FGF18: variants seen among roughly 807,000 people sequenced by gnomAD.
The protein encoded by FGF18 is fibroblast growth factor 18.
Under a neutral mutation model 23.0 loss-of-function variants are expected in FGF18, and 5 were observed. The ratio of observed to expected loss-of-function variants is 0.22; its 90% CI spans 0.11 to 0.46. The LOEUF is 0.46. FGF18 is among the 20% of genes least tolerant of loss of function. The pLI, the probability that FGF18 is intolerant of heterozygous loss-of-function variation, is 0.99. For missense variants in FGF18, 180 were observed against 291.6 expected (o/e 0.62, Z 2.79); for synonymous variants, 117 against 118.9 (o/e 0.98, Z 0.10).
At chr5:171,428,923 C>T (rs1048866118) in intron 2 of FGF18, among the ~76,000 whole-genome samples, 3 of 152,170 alleles carry the variant, frequency 2.0e-5, no homozygotes, top group African/African-American at 7.2e-5. Flanking sequence ...AGAGGGAGGC[C>T]GACCCTCGGG....
chr5:171,436,278 G>T lies in FGF18; in HGVS notation c.250+5G>T. 6.4e-7 allele frequency: 1 copy of T among 1,551,850 alleles called. No individual in the cohort carries two copies. The highest frequency in any genetic ancestry group is 8.7e-7 in the Non-Finnish European group (1 of 1,144,328). On this transcript the variant is annotated splice_donor_5th_base_variant and intron_variant, in intron 3 of 4. Transcript: ENST00000274625. This position sits in a 1 kb window ranked among gnomAD's most constrained non-coding sequence, Gnocchi z 4.4. The stretch of plus-strand genomic sequence containing the variant: ...GCGAGGATGGGGACAAGTATGGTAT[G>T]TGCCAACCCTCTCCTCCTACTCCGT...
At chr5:171,449,359 C>A in intron 4 of FGF18, 106 bp downstream of exon 4, 2 of 246,442 alleles carry the variant, frequency 8.1e-6, no homozygotes, top group Admixed American at 4.6e-5. Flanking sequence ...GGAAAACAGG[C>A]CGTGTGTGTG....
intron 3 of FGF18, among the ~76,000 whole-genome samples, chr5:171,446,308 C>T (rs907708918): frequency 1.3e-5 from 2 of 152,154 alleles, no homozygotes; most frequent in Admixed American, 6.5e-5. Flanking sequence ...GGGCTTCCTG[C>T]GGTGGCCCTG....
chr5:171,436,069 T>G lies in FGF18; in HGVS notation c.70-24T>G. On this transcript the variant is annotated intron_variant, in intron 2 of 4. Transcript: ENST00000274625. This position sits in a 1 kb window ranked among gnomAD's most constrained non-coding sequence, Gnocchi z 4.4. ...TGGGCCTGGGACATCTGGGGTGGCT[T>G]ACTGTGTCCTTTTCCCTGCCCAGGT... 6.7e-7 allele frequency: 1 copy of G among 1,494,490 alleles called. No individual in the cohort carries two copies. The highest frequency in any genetic ancestry group is 9.0e-7 in the Non-Finnish European group (1 of 1,114,552). 92.6% of individuals were successfully genotyped at this position (1,494,490 alleles called of 1,614,324 possible).
intron 3 of FGF18, among the ~76,000 whole-genome samples, chr5:171,447,126 A>C (rs886439065): frequency 3.3e-5 from 5 of 152,176 alleles, no homozygotes; most frequent in African/African-American, 4.8e-5. Flanking sequence ...TAATCCTCCC[A>C]ATAACTATTG....
chr5:171,424,608 T>C (rs1460699418), intron 2 of FGF18, among the ~76,000 whole-genome samples: 2 of 152,222 alleles, frequency 1.3e-5, no homozygotes, highest in Non-Finnish European at 1.5e-5. Context: ...GGTGGGCCCA[T>C]GGAGTCCTTA....
intron 2 of FGF18, among the ~76,000 whole-genome samples, chr5:171,423,679 T>C (rs1309486968): frequency 6.6e-6 from 1 of 152,122 alleles, no homozygotes; most frequent in African/African-American, 2.4e-5. Context: ...TCAGTGAGGT[T>C]TAGACCCTTT....
intron 3 of FGF18, among the ~76,000 whole-genome samples, chr5:171,443,797 G>A (rs954087675): frequency 1.1e-4 from 17 of 152,120 alleles, no homozygotes; most frequent in African/African-American, 4.1e-4. Flanking sequence ...CCGGAGAAGG[G>A]AGCAGATCCT....
intron 2 of FGF18, among the ~76,000 whole-genome samples, chr5:171,420,983 G>A (rs1771996612): frequency 6.6e-6 from 1 of 152,242 alleles, no homozygotes; most frequent in African/African-American, 2.4e-5. Flanking sequence ...CCTAGGCCGA[G>A]TGGCCGCTGC....
At chr5:171,420,540 C>A in intron 2 of FGF18, 97 bp downstream of exon 2, 7 of 1,229,626 alleles carry the variant, frequency 5.7e-6, no homozygotes, top group East Asian at 2.4e-5. Context: ...TGCCCCACCC[C>A]TCCTGGGCGC....
Position 171,451,262 on chromosome 5 carries a change from C to T in FGF18, c.357+2009C>T, listed in dbSNP as rs1772503624. ...TCCCCCGCTCCCGCCCAGGCCTCCA[C>T]GCCCGACCCCAACCCTTGCCAGCCT... On this transcript the variant is annotated intron_variant, in intron 4 of 4. Transcript: ENST00000274625. The surrounding 1 kb of genome is among the most constrained non-coding windows in gnomAD (Gnocchi z 4.5). 6.6e-6 allele frequency among the ~76,000 whole-genome samples: 1 copy of T among 152,134 alleles called. No homozygotes were observed. Among genetic ancestry groups the T allele is most frequent in the Non-Finnish European group, 1.5e-5 (1 of 68,002 alleles).
In FGF18 at chr5:171,436,668, A is replaced by G. The variant is rs1362698160; in HGVS notation, c.250+395A>G. Reference sequence around the variant, plus strand: ...GCTTTTAGGAAGCTGCTGGTGGTGAAAATCAGCCTAGTGTGTGTGTTATGT... The same window carrying G: ...GCTTTTAGGAAGCTGCTGGTGGTGAGAATCAGCCTAGTGTGTGTGTTATGT... On this transcript the variant is annotated intron_variant, in intron 3 of 4. Coordinates refer to ENST00000274625, the MANE Select transcript of FGF18 (RefSeq NM_003862.3). The surrounding 1 kb of genome is among the most constrained non-coding windows in gnomAD (Gnocchi z 4.4). Among the ~76,000 whole-genome samples the G allele has an allele frequency of 1.3e-5, 2 of 152,162 alleles. No individual in the cohort carries two copies. The highest frequency in any genetic ancestry group is 4.8e-5 in the African/African-American group (2 of 41,440).
rs1051569315 is a variant in FGF18 at position 171,434,130 on chromosome 5, A to C, written c.70-1963A>C. Among the ~76,000 whole-genome samples the C allele has an allele frequency of 6.6e-6, 1 of 152,166 alleles. No individual in the cohort carries two copies. The highest frequency in any genetic ancestry group is 2.4e-5 in the African/African-American group (1 of 41,446). On this transcript the variant is annotated intron_variant, in intron 2 of 4. Coordinates refer to ENST00000274625, the MANE Select transcript of FGF18 (RefSeq NM_003862.3). This position sits in a 1 kb window ranked among gnomAD's most constrained non-coding sequence, Gnocchi z 4.6. ...ACTGGTGGGGCAGGCAGGGCCCCGC[A>C]AGGCAGTGGCCTGGGGCTGCCCGCA... is the stretch of plus-strand genomic sequence containing the variant.
rs1268033482 is a variant in FGF18, at chr5:171,434,896, G to C, written c.70-1197G>C. On this transcript the variant is annotated intron_variant, in intron 2 of 4. Transcript: ENST00000274625. This position sits in a 1 kb window ranked among gnomAD's most constrained non-coding sequence, Gnocchi z 4.6. ...AGTGCTGGAAAGAAGCGCAAAGCAT[G>C]GTTGAGGGGAGGGAGAGTGTCAGAG... is the stretch of plus-strand genomic sequence containing the variant. Among the ~76,000 whole-genome samples, 1 of 151,724 alleles carries C rather than the reference G, an allele frequency of 6.6e-6. No homozygotes were observed. Among genetic ancestry groups the C allele is most frequent in the East Asian group, 1.9e-4 (1 of 5,162 alleles).
At chr5:171,447,837 T>G (rs1772441460) in intron 3 of FGF18, among the ~76,000 whole-genome samples, 1 of 152,124 alleles carries the variant, frequency 6.6e-6, no homozygotes, top group Non-Finnish European at 1.5e-5. Context: ...GCAAGTCCCT[T>G]GTCACTGAAA....
At chr5:171,442,104 C>T (rs1772355041) in intron 3 of FGF18, among the ~76,000 whole-genome samples, 2 of 152,186 alleles carry the variant, frequency 1.3e-5, no homozygotes, top group Admixed American at 6.5e-5. Flanking sequence ...TGACCACCCA[C>T]ACCTCACCAA....
chr5:171,441,788 G>T (rs1421670971), intron 3 of FGF18, among the ~76,000 whole-genome samples: 3 of 152,220 alleles, frequency 2.0e-5, no homozygotes, highest in Non-Finnish European at 2.9e-5. Context: ...TATGGGTGAT[G>T]CCCTGTGTGT....
In FGF18 at chr5:171,423,773, CTTTTTTTTTTT is replaced by C. The variant is rs61255857; in HGVS notation, c.69+3344_69+3354del. Among the ~76,000 whole-genome samples the C allele has an allele frequency of 3.9e-5, 4 of 103,320 alleles. No individual in the cohort carries two copies. The South Asian group carries it at 9.1e-4, about 23-fold the overall frequency. The allele number at this position is 103,320 out of a possible 152,430, so 67.8% of individuals were successfully genotyped here. ...TGGGATGCTCTGTTAGTGGATGGCA[CTTTTTTTTTTT>C]TTTTTTTTTTTTTGTGCTCTGTCAC... On this transcript the variant is annotated intron_variant, in intron 2 of 4. Transcript: ENST00000274625.
intron 4 of FGF18, among the ~76,000 whole-genome samples, chr5:171,452,440 G>T (rs1772530648): frequency 6.6e-6 from 1 of 152,184 alleles, no homozygotes. Flanking sequence ...TCCAGAGGTT[G>T]CAGGCCCTTG....
Sources: gnomAD v4.1 joint callset for allele counts (sites outside exome capture counted in the v4.1 genomes callset) on GRCh38, gnomAD v4.1.1 for gene constraint, Gnocchi (gnomAD v3.1) non-coding constraint, MANE v1.5 for transcripts, NCBI Gene and HGNC (gene_info 2026-07-23, HGNC 2026-07-21) for gene names.